KCNE1: variants seen among roughly 807,000 people sequenced by gnomAD.
KCNE1 encodes the protein potassium voltage-gated channel subfamily E regulatory subunit 1.
Under a neutral mutation model 2.9 loss-of-function variants are expected in KCNE1, and 1 was observed. The observed-to-expected ratio is 0.34, with a 90% CI of 0.12 to 1.62. KCNE1 has a LOEUF of 1.62. Ranked by LOEUF, KCNE1 falls within the 40% of genes most tolerant of loss-of-function variation. KCNE1 has a pLI of 0.36. For synonymous variants in KCNE1, 23 were observed against 65.4 expected (o/e 0.35, Z 3.13); for missense variants, 45 against 150.5 (o/e 0.30, Z 3.67).
chr21:34,501,059 A>G (rs757025382), intron 2 of KCNE1, among the ~76,000 whole-genome samples: 54 of 152,202 alleles, frequency 3.5e-4, no homozygotes, highest in Non-Finnish European at 5.9e-4. Context: ...CTGCCTGCCA[A>G]TGCTGTCTCT....
At position 34,449,295 on chromosome 21, in the gene KCNE1, C is replaced by A. The variant is rs754020878; in HGVS notation, c.340G>T (p.Ala114Ser). 1 of 1,311,286 alleles carries A rather than the reference C, an allele frequency of 7.6e-7. No homozygotes were observed. The highest frequency in any genetic ancestry group is 1.2e-5 in the South Asian group (1 of 83,852). 81.2% of individuals were successfully genotyped at this position (1,311,286 alleles called of 1,614,324 possible). Residue 114 changes from alanine (A) to serine (S), a missense_variant, in exon 4 of 4, where the codon GCC (alanine) becomes TCC (serine). Transcript: ENST00000399286. The part of the protein sequence containing the change: ...RSCYVVENHL[A>S]IEQPNTHLPE... ...AGGTGTGTGTTGGGTTGTTCTATGG[C>A]CAGATGGTTTTCAACGACATAGCAC...
intron 2 of KCNE1, among the ~76,000 whole-genome samples, chr21:34,506,204 T>C (rs982100539): frequency 2.5e-4 from 38 of 152,142 alleles, no homozygotes; most frequent in African/African-American, 8.9e-4. Flanking sequence ...GCTCTTCAAG[T>C]TGGGCCCTAC....
chr21:34,509,329 G>GCACCCCAGT (rs1983695749), intron 2 of KCNE1: 1 of 152,284 alleles, frequency 6.6e-6, no homozygotes, highest in Admixed American at 6.5e-5. Context: ...TGGCCACATG[G>GCACCCCAGT]CACCCCAGTC....
intron 2 of KCNE1, among the ~76,000 whole-genome samples, chr21:34,506,756 A>G (rs1983512377): frequency 6.6e-6 from 1 of 152,238 alleles, no homozygotes. Flanking sequence ...ATGGGCAGGG[A>G]AGCCAACTGT....
chr21:34,501,077 G>A lies in KCNE1; in HGVS notation c.-162+10024C>T, dbSNP rs375522205. On this transcript the variant is annotated intron_variant, in intron 2 of 3. Coordinates refer to ENST00000399286, the MANE Select transcript of KCNE1 (RefSeq NM_000219.6). ...CCTGCCAATGCTGTCTCTTTCTTCA[G>A]CAAAAGTGGGATTAAGCGTGTGTAT... Among the ~76,000 whole-genome samples, 12 of 152,292 alleles carry A rather than the reference G, an allele frequency of 7.9e-5. No individual in the cohort carries two copies. The East Asian group carries it at 1.2e-3, about 15-fold the overall frequency.
intron 2 of KCNE1, among the ~76,000 whole-genome samples, chr21:34,496,559 A>G (rs565302319): frequency 6.6e-6 from 1 of 151,520 alleles, no homozygotes; most frequent in East Asian, 2.0e-4. Flanking sequence ...AAATTTATTG[A>G]GATGTTTTTT....
intron 2 of KCNE1, among the ~76,000 whole-genome samples, chr21:34,498,402 G>A (rs982876853): frequency 6.6e-6 from 1 of 152,240 alleles, no homozygotes; most frequent in African/African-American, 2.4e-5. Context: ...GACCCTTGAT[G>A]TGGTGCTCTC....
At chr21:34,497,421 A>G (rs888522270) in intron 2 of KCNE1, among the ~76,000 whole-genome samples, 1 of 152,082 alleles carries the variant, frequency 6.6e-6, no homozygotes, top group Non-Finnish European at 1.5e-5. Flanking sequence ...AAAAGACTTT[A>G]TCTCTCTTTC....
intron 2 of KCNE1, among the ~76,000 whole-genome samples, chr21:34,496,076 C>CT (rs147332706): frequency 0.073 from 10,897 of 149,586 alleles, 459 homozygotes; most frequent in African/African-American, 0.12. Context: ...AGCTCAAATA[C>CT]TTTTTTTTTT....
intron 2 of KCNE1, among the ~76,000 whole-genome samples, chr21:34,501,628 G>T (rs1297020622): frequency 6.6e-6 from 1 of 152,130 alleles, no homozygotes; most frequent in Non-Finnish European, 1.5e-5. Flanking sequence ...ATAGTTTTTG[G>T]GTCCAAGAGG....
intron 2 of KCNE1, chr21:34,509,649 G>T (rs1983716579): frequency 6.6e-6 from 1 of 152,092 alleles, no homozygotes; most frequent in African/African-American, 2.4e-5. Flanking sequence ...TAGAGACAGG[G>T]TTTCACCACA....
chr21:34,500,198 C>T (rs556397927), intron 2 of KCNE1, among the ~76,000 whole-genome samples: 1 of 152,188 alleles, frequency 6.6e-6, no homozygotes, highest in South Asian at 2.1e-4. Context: ...CATATATATA[C>T]ACATACATAT....
Position 34,511,082 on chromosome 21 carries a change from T to C in KCNE1, c.-162+19A>G. 1.1e-6 allele frequency: 1 copy of C among 938,372 alleles called. No homozygotes were observed. Among genetic ancestry groups the C allele is most frequent in the Non-Finnish European group, 1.3e-6 (1 of 786,992 alleles). The allele number at this position is 938,372 out of a possible 1,614,324, so 58.1% of individuals were successfully genotyped here. A position where few individuals can be genotyped will look rare whatever the true frequency, so the allele number is the denominator to read the frequency against. On this transcript the variant is annotated intron_variant, in intron 2 of 3. Coordinates refer to ENST00000399286, the MANE Select transcript of KCNE1 (RefSeq NM_000219.6). ...GGTGCCTAACTGAGGAAAGGGTCTG[T>C]GCAACCCCCTTCTCCTACCAGTTCT... is the stretch of plus-strand genomic sequence containing the variant.
rs773346489 is a variant in KCNE1, at chr21:34,450,151, TC to T, written c.-50-468del. ...ACACCCACTTCTTTTCTCTGCCTTCTCCCCCAGAGATGGACACTGCTGTGGC... is the reference window on the plus strand; with the variant it reads ...ACACCCACTTCTTTTCTCTGCCTTCTCCCCAGAGATGGACACTGCTGTGGC... On this transcript the variant is annotated intron_variant, in intron 3 of 3. Transcript: ENST00000399286. 3.8e-5 allele frequency among the ~76,000 whole-genome samples: 3 copies of T among 78,448 alleles called. 1 individual carries two copies. Among genetic ancestry groups the T allele is most frequent in the Non-Finnish European group, 8.4e-5 (3 of 35,716 alleles). 51.5% of individuals were successfully genotyped at this position (78,448 alleles called of 152,430 possible). A position where few individuals can be genotyped will look rare whatever the true frequency, so the allele number is the denominator to read the frequency against.
In KCNE1 at chr21:34,511,146, A is replaced by T; in HGVS notation, c.-207T>A. ...TCCTCAAGCACACTGCGGTGTCCAC[A>T]CCATTGGCAGCAGGCTCCTTCTCTT... On this transcript the variant is annotated 5_prime_UTR_variant, in exon 2 of 4. Coordinates refer to ENST00000399286, the MANE Select transcript of KCNE1 (RefSeq NM_000219.6). 1.0e-6 allele frequency: 1 copy of T among 985,620 alleles called. No homozygotes were observed. Among genetic ancestry groups the T allele is most frequent in the Non-Finnish European group, 1.2e-6 (1 of 830,090 alleles). 61.1% of individuals were successfully genotyped at this position (985,620 alleles called of 1,614,324 possible). A position where few individuals can be genotyped will look rare whatever the true frequency, so the allele number is the denominator to read the frequency against.
chr21:34,450,151 T>TC (rs773346489), intron 3 of KCNE1, among the ~76,000 whole-genome samples: 1 of 78,450 alleles, frequency 1.3e-5, no homozygotes, highest in Non-Finnish European at 2.8e-5. Flanking sequence ...CTCTGCCTTC[T>TC]CCCCCAGAGA....
At chr21:34,506,015 A>T (rs1476256972) in intron 2 of KCNE1, among the ~76,000 whole-genome samples, 2 of 152,244 alleles carry the variant, frequency 1.3e-5, no homozygotes, top group Non-Finnish European at 2.9e-5. Context: ...TTACTTCGAC[A>T]TCTACTGTCA....
chr21:34,496,812 G>A (rs11088287), intron 2 of KCNE1, among the ~76,000 whole-genome samples: 34,833 of 151,962 alleles, frequency 0.23, 4,693 homozygotes, highest in East Asian at 0.59. Flanking sequence ...CTTAGGTCTG[G>A]TAATAATTGT....
At chr21:34,496,585 G>A (rs1178992115) in intron 2 of KCNE1, among the ~76,000 whole-genome samples, 3 of 152,140 alleles carry the variant, frequency 2.0e-5, no homozygotes, top group Non-Finnish European at 2.9e-5. Context: ...CTATCATATG[G>A]TCTATCTTGG....
Sources: gnomAD v4.1 joint callset for allele counts (sites outside exome capture counted in the v4.1 genomes callset) on GRCh38, gnomAD v4.1.1 for gene constraint, MANE v1.5 for transcripts, NCBI Gene and HGNC (gene_info 2026-07-23, HGNC 2026-07-21) for gene names.